GFRA1: variants seen among roughly 807,000 people sequenced by gnomAD.
The protein encoded by GFRA1 is GDNF family receptor alpha-1.
Under a neutral mutation model 51.6 loss-of-function variants are expected in GFRA1, and 16 were observed. The ratio of observed to expected loss-of-function variants is 0.31; its 90% confidence interval spans 0.21 to 0.47. GFRA1 has a LOEUF of 0.47. GFRA1 is among the 20% of genes least tolerant of loss of function. The pLI is 1.00. For synonymous variants in GFRA1, 270 were observed against 241.3 expected (o/e 1.12, Z -1.10); for missense variants, 530 against 594.3 (o/e 0.89, Z 1.13).
intron 6 of GFRA1, among the ~76,000 whole-genome samples, chr10:116,120,392 A>G (rs1403168827): frequency 6.6e-6 from 1 of 152,102 alleles, no homozygotes; most frequent in Admixed American, 6.6e-5. Context: ...GCAACATAGC[A>G]AGACCCTGTC....
chr10:116,188,507 T>C (rs945106127), intron 5 of GFRA1, among the ~76,000 whole-genome samples: 2 of 152,078 alleles, frequency 1.3e-5, no homozygotes, highest in Admixed American at 6.5e-5. Context: ...GAGTTTCAGT[T>C]TGGGATGATG....
chr10:116,245,408 A>C (rs527295724), intron 4 of GFRA1, among the ~76,000 whole-genome samples: 1 of 152,328 alleles, frequency 6.6e-6, no homozygotes, highest in East Asian at 1.9e-4. Context: ...GAATGGCTAA[A>C]ATCCAAAAGC....
intron 4 of GFRA1, among the ~76,000 whole-genome samples, chr10:116,224,452 A>G (rs1966140497): frequency 6.6e-6 from 1 of 152,256 alleles, no homozygotes; most frequent in Non-Finnish European, 1.5e-5. Flanking sequence ...AATGTCCATC[A>G]ACTGACGAAT....
intron 8 of GFRA1, 55 bp from the exon 9 acceptor site, chr10:116,089,977 A>G (rs1956266975): frequency 2.0e-6 from 3 of 1,464,156 alleles, no homozygotes; most frequent in Admixed American, 1.9e-5. Context: ...AACGTAACAG[A>G]CAGGATATAC....
intron 5 of GFRA1, among the ~76,000 whole-genome samples, chr10:116,191,935 G>A (rs529241939): frequency 6.6e-6 from 1 of 152,192 alleles, no homozygotes; most frequent in South Asian, 2.1e-4. Flanking sequence ...GCTGAGACAC[G>A]AGAATAGCTT....
chr10:116,113,316 T>A, intron 6 of GFRA1, among the ~76,000 whole-genome samples: 2 of 152,084 alleles, frequency 1.3e-5, no homozygotes, highest in Non-Finnish European at 2.9e-5. Context: ...TCACCTGCAA[T>A]CCAGTGTGGT....
At chr10:116,268,366 A>ATTGCT (rs1184173235) in intron 4 of GFRA1, among the ~76,000 whole-genome samples, 1 of 152,210 alleles carries the variant, frequency 6.6e-6, no homozygotes, top group Non-Finnish European at 1.5e-5. Context: ...CTTTTAACAC[A>ATTGCT]TTGCTTGGCA....
chr10:116,140,765 G>T (rs1958529431), intron 5 of GFRA1, among the ~76,000 whole-genome samples: 1 of 152,190 alleles, frequency 6.6e-6, no homozygotes, highest in African/African-American at 2.4e-5. Flanking sequence ...TAACTCAGGA[G>T]TGTTTCCGCA....
At chr10:116,242,194 A>G (rs1301627833) in intron 4 of GFRA1, among the ~76,000 whole-genome samples, 1 of 152,184 alleles carries the variant, frequency 6.6e-6, no homozygotes, top group Non-Finnish European at 1.5e-5. Flanking sequence ...GTGCGTTGGC[A>G]ATTGAAAGCA....
At chr10:116,161,775 T>C (rs1377317855) in intron 5 of GFRA1, among the ~76,000 whole-genome samples, 1 of 152,248 alleles carries the variant, frequency 6.6e-6, no homozygotes, top group Non-Finnish European at 1.5e-5. Context: ...TGTGAGCCCA[T>C]TAAACTTCTT....
intron 5 of GFRA1, among the ~76,000 whole-genome samples, chr10:116,185,942 G>GGA (rs1428301691): frequency 6.6e-6 from 1 of 152,154 alleles, no homozygotes; most frequent in Admixed American, 6.5e-5. Context: ...ATCCAGACAT[G>GGA]GAGTCTGGTA....
At chr10:116,270,590 G>A (rs1351227047) in intron 3 of GFRA1, among the ~76,000 whole-genome samples, 1 of 152,178 alleles carries the variant, frequency 6.6e-6, no homozygotes, top group African/African-American at 2.4e-5. Flanking sequence ...GGGTCCCGGG[G>A]GTGGCCCTCC....
intron 4 of GFRA1, among the ~76,000 whole-genome samples, chr10:116,212,566 A>AC (rs1965282015): frequency 6.8e-6 from 1 of 147,350 alleles, no homozygotes; most frequent in Non-Finnish European, 1.5e-5. Flanking sequence ...ACACACACAC[A>AC]TCTAGTTAAA....
intron 4 of GFRA1, among the ~76,000 whole-genome samples, chr10:116,251,285 A>G (rs757459250): frequency 6.6e-5 from 10 of 152,214 alleles, no homozygotes; most frequent in Non-Finnish European, 1.2e-4. Context: ...CGAAGGAAGA[A>G]GTCATCCAAA....
intron 5 of GFRA1, among the ~76,000 whole-genome samples, chr10:116,158,947 G>A (rs1959452856): frequency 1.3e-5 from 2 of 152,214 alleles, no homozygotes. Context: ...TGGACCCCTG[G>A]TTCTCACCAA....
In GFRA1 at chr10:116,122,237, C is replaced by T. The variant is rs530746390; in HGVS notation, c.770+2984G>A. Among the ~76,000 whole-genome samples the T allele has an allele frequency of 1.8e-4, 27 of 152,272 alleles. No individual in the cohort carries two copies. In the South Asian group the frequency reaches 5.4e-3, roughly 30 times the overall value. On this transcript the variant is annotated intron_variant, in intron 6 of 10. Transcript: ENST00000355422. ...TCTGAGCTTCTCCCAGAGCCAGAAA[C>T]GTGGCAGCAGCACAGACACGCCACT...
chr10:116,113,365 T>C (rs1957288224), intron 6 of GFRA1, among the ~76,000 whole-genome samples: 1 of 152,132 alleles, frequency 6.6e-6, no homozygotes, highest in Non-Finnish European at 1.5e-5. Flanking sequence ...CAAAAGCCCA[T>C]TGAGATCCTC....
chr10:116,073,623 A>T (rs1405310457), intron 9 of GFRA1, among the ~76,000 whole-genome samples: 2 of 152,164 alleles, frequency 1.3e-5, no homozygotes, highest in African/African-American at 4.8e-5. Context: ...ATGGCCCTAA[A>T]ATGAAACATT....
chr10:116,058,880 C>A lies in GFRA1; in HGVS notation c.*5518G>T, dbSNP rs572511814. The A allele has an allele frequency of 6.6e-6, 1 of 152,334 alleles. No individual in the cohort carries two copies. The highest frequency in any genetic ancestry group is 6.5e-5 in the Admixed American group (1 of 15,308). 9.4% of individuals were successfully genotyped at this position (152,334 alleles called of 1,614,324 possible). ...CTACCTTTCTTGTCAGCATCCTGTGCTTGAGGCAGATTAAAATCTCAGCGG... is the reference window on the plus strand; with the variant it reads ...CTACCTTTCTTGTCAGCATCCTGTGATTGAGGCAGATTAAAATCTCAGCGG... On this transcript the variant is annotated 3_prime_UTR_variant, in exon 11 of 11. Transcript: ENST00000355422.
Sources: gnomAD v4.1 joint callset for allele counts (sites outside exome capture counted in the v4.1 genomes callset) on GRCh38, gnomAD v4.1.1 for gene constraint, MANE v1.5 for transcripts, NCBI Gene and HGNC (gene_info 2026-07-23, HGNC 2026-07-21) for gene names.